PDE4D: variants seen among roughly 807,000 people sequenced by gnomAD.
The protein encoded by PDE4D is 3',5'-cyclic-AMP phosphodiesterase 4D.
In PDE4D, 24 loss-of-function variants were observed where a neutral mutation model predicts 87.4. That is an observed-to-expected ratio of 0.27 (90% confidence interval 0.20 to 0.39). PDE4D has a LOEUF of 0.39. Among genes scored for constraint, PDE4D ranks in the 10% least tolerant of loss-of-function variants. The pLI is 1.00. For synonymous variants in PDE4D, 384 were observed against 383.2 expected (o/e 1.00, Z -0.02); for missense variants, 714 against 1,041.0 (o/e 0.69, Z 4.32).
intron 1 of PDE4D, among the ~76,000 whole-genome samples, chr5:59,783,744 T>G (rs991735788): frequency 2.6e-5 from 4 of 152,208 alleles, no homozygotes; most frequent in African/African-American, 9.7e-5. Flanking sequence ...TCCTGGAACA[T>G]TCCATGTAAA....
At chr5:60,022,389 A>C (rs1316141861) in intron 2 of PDE4D, among the ~76,000 whole-genome samples, 1 of 152,188 alleles carries the variant, frequency 6.6e-6, no homozygotes, top group Admixed American at 6.5e-5. Context: ...TGGGGAAGTT[A>C]ATTTAAGTTA....
chr5:59,200,742 C>CGT (rs1299025264), intron 2 of PDE4D, among the ~76,000 whole-genome samples: 2 of 149,850 alleles, frequency 1.3e-5, no homozygotes, highest in Non-Finnish European at 1.5e-5. Context: ...TATATATATA[C>CGT]ATACACACAT....
At chr5:59,879,290 G>GTACT (rs1749097263) in intron 1 of PDE4D, among the ~76,000 whole-genome samples, 1 of 152,156 alleles carries the variant, frequency 6.6e-6, no homozygotes, top group South Asian at 2.1e-4. Context: ...TTATAGGGAA[G>GTACT]TTAAGGAATC....
chr5:59,887,021 C>T (rs530817703), intron 1 of PDE4D, among the ~76,000 whole-genome samples: 2 of 151,572 alleles, frequency 1.3e-5, no homozygotes, highest in South Asian at 4.2e-4. Context: ...AGTGCTGGAA[C>T]TAGGGAAGTG....
intron 6 of PDE4D, among the ~76,000 whole-genome samples, chr5:59,016,556 C>T (rs1754054092): frequency 6.6e-6 from 1 of 151,964 alleles, no homozygotes; most frequent in Non-Finnish European, 1.5e-5. Flanking sequence ...CTCAAAGACT[C>T]CCACTGTCAA....
At chr5:59,315,735 T>C (rs1229440494) in intron 1 of PDE4D, among the ~76,000 whole-genome samples, 2 of 152,172 alleles carry the variant, frequency 1.3e-5, no homozygotes, top group East Asian at 1.9e-4. Context: ...GACTGGTATA[T>C]GACCTTCCTC....
chr5:59,121,411 CAAAAG>C (rs1419533106), intron 5 of PDE4D, among the ~76,000 whole-genome samples: 2 of 151,988 alleles, frequency 1.3e-5, no homozygotes, highest in Non-Finnish European at 2.9e-5. Context: ...AGGCATTTCT[CAAAAG>C]AAGACATACA....
intron 3 of PDE4D, among the ~76,000 whole-genome samples, chr5:59,925,970 T>A: frequency 6.6e-6 from 1 of 150,580 alleles, no homozygotes; most frequent in Non-Finnish European, 1.5e-5. Context: ...TAGACAGGAG[T>A]TCAACAAAGA....
chr5:59,153,896 G>C (rs1350130948), intron 5 of PDE4D, among the ~76,000 whole-genome samples: 1 of 152,050 alleles, frequency 6.6e-6, no homozygotes, highest in African/African-American at 2.4e-5. Flanking sequence ...TTGAATTTTA[G>C]GTGTCCTCTA....
intron 2 of PDE4D, among the ~76,000 whole-genome samples, chr5:60,135,963 C>T (rs1033616466): frequency 2.0e-5 from 3 of 152,146 alleles, no homozygotes; most frequent in African/African-American, 7.2e-5. Context: ...GTTCTAAGAG[C>T]TACTGCTCTG....
At chr5:59,723,991 T>C (rs1350977885) in intron 1 of PDE4D, among the ~76,000 whole-genome samples, 1 of 152,126 alleles carries the variant, frequency 6.6e-6, no homozygotes, top group African/African-American at 2.4e-5. Flanking sequence ...AATCATGAGC[T>C]TAAAAAGAAG....
At chr5:60,177,781 G>A (rs1784050211) in intron 2 of PDE4D, among the ~76,000 whole-genome samples, 3 of 152,112 alleles carry the variant, frequency 2.0e-5, no homozygotes, top group African/African-American at 7.2e-5. Flanking sequence ...TGTTACACAT[G>A]AGTGATATAG....
chr5:59,207,140 C>T (rs1203039579), intron 2 of PDE4D, among the ~76,000 whole-genome samples: 2 of 152,070 alleles, frequency 1.3e-5, no homozygotes, highest in South Asian at 2.1e-4. Context: ...GCTGTGATTA[C>T]ACTGCTGCAC....
At chr5:60,060,638 G>T (rs535943728) in intron 2 of PDE4D, among the ~76,000 whole-genome samples, 1 of 151,978 alleles carries the variant, frequency 6.6e-6, no homozygotes, top group Non-Finnish European at 1.5e-5. Flanking sequence ...CCTAGGTCTG[G>T]GGCTAACACT....
At chr5:59,611,151 T>C (rs767951124) in intron 1 of PDE4D, among the ~76,000 whole-genome samples, 1 of 152,204 alleles carries the variant, frequency 6.6e-6, no homozygotes, top group African/African-American at 2.4e-5. Context: ...CTGACAGTCC[T>C]AGAAGCTAAG....
At chr5:59,722,152 G>T (rs2150562468) in intron 1 of PDE4D, among the ~76,000 whole-genome samples, 1 of 152,276 alleles carries the variant, frequency 6.6e-6, no homozygotes, top group South Asian at 2.1e-4. Flanking sequence ...TCAATCACAA[G>T]CATTTCTGTT....
At chr5:59,853,420 A>C (rs1744967540) in intron 1 of PDE4D, among the ~76,000 whole-genome samples, 1 of 152,086 alleles carries the variant, frequency 6.6e-6, no homozygotes, top group South Asian at 2.1e-4. Context: ...TAATTATAAA[A>C]ATTTTGAAAT....
intron 1 of PDE4D, among the ~76,000 whole-genome samples, chr5:59,787,989 C>T (rs1402341839): frequency 2.0e-5 from 3 of 152,218 alleles, no homozygotes; most frequent in Non-Finnish European, 4.4e-5. Context: ...TCCACAGATG[C>T]TAACAGTAGG....
At position 59,865,484 on chromosome 5, in the gene PDE4D, C is replaced by G. The variant is rs571771830; in HGVS notation, c.455+27684G>C. ...TTTACTCAGGGACCCACTGCCACAG[C>G]CTTTTGTAGAGCCAAGAGAAATGTG... On this transcript the variant is annotated intron_variant, in intron 1 of 14. Transcript: ENST00000340635. Among the ~76,000 whole-genome samples, 9 of 152,262 alleles carry G rather than the reference C, an allele frequency of 5.9e-5. No individual in the cohort carries two copies. The South Asian group carries it at 6.2e-4, about 11-fold the overall frequency.
Sources: allele counts gnomAD v4.1 joint callset (sites outside exome capture counted in the v4.1 genomes callset), GRCh38; gene constraint gnomAD v4.1.1; transcripts MANE v1.5; gene names NCBI Gene and HGNC (gene_info 2026-07-23, HGNC 2026-07-21).